RFTN1: variants seen among roughly 807,000 people sequenced by gnomAD.
RFTN1 encodes raftlin.
Under a neutral mutation model 46.5 loss-of-function variants are expected in RFTN1, and 26 were observed. That is an observed-to-expected ratio of 0.56 (90% CI 0.41 to 0.78). The LOEUF (loss-of-function observed/expected upper bound fraction) is 0.78, where lower values mean the gene tolerates loss of function less well. Ranked by LOEUF, RFTN1 falls within the 30% of genes least tolerant of loss-of-function variation. RFTN1 has a pLI of 0.00. For synonymous variants in RFTN1, 261 were observed against 284.2 expected (o/e 0.92, Z 0.82); for missense variants, 693 against 718.7 (o/e 0.96, Z 0.41).
chr3:16,419,106 G>C (rs2075138573), intron 3 of RFTN1, among the ~76,000 whole-genome samples: 1 of 152,202 alleles, frequency 6.6e-6, no homozygotes, highest in Non-Finnish European at 1.5e-5. Context: ...AAAAGCATGA[G>C]TTATATGATG....
Position 16,383,586 on chromosome 3 carries a change from G to T in RFTN1, c.442-5484C>A, listed in dbSNP as rs1368249900. Among the ~76,000 whole-genome samples, 1 of 152,176 alleles carries T rather than the reference G, an allele frequency of 6.6e-6. No individual in the cohort carries two copies. Among genetic ancestry groups the T allele is most frequent in the Non-Finnish European group, 1.5e-5 (1 of 68,036 alleles). On this transcript the variant is annotated intron_variant, in intron 4 of 9. Transcript: ENST00000334133. This position sits in a 1 kb window ranked among gnomAD's most constrained non-coding sequence, Gnocchi z 4.0. ...AATATGACATTAGATTTCTAGGATGGATTGTCTGTTTCTATGTCCAAAATG... is the reference window on the plus strand; with the variant it reads ...AATATGACATTAGATTTCTAGGATGTATTGTCTGTTTCTATGTCCAAAATG...
intron 6 of RFTN1, among the ~76,000 whole-genome samples, chr3:16,367,915 C>T (rs796955545): frequency 7.2e-6 from 1 of 138,706 alleles, no homozygotes; most frequent in Non-Finnish European, 1.5e-5. Context: ...TTCTGATGCC[C>T]TAGTTTTCCT....
At chr3:16,411,563 C>G (rs1366117227) in intron 3 of RFTN1, among the ~76,000 whole-genome samples, 1 of 152,182 alleles carries the variant, frequency 6.6e-6, no homozygotes, top group African/African-American at 2.4e-5. Context: ...ATTCTGAACC[C>G]TAACCTTTTT....
At chr3:16,496,725 G>T (rs932589428) in intron 1 of RFTN1, among the ~76,000 whole-genome samples, 2 of 151,960 alleles carry the variant, frequency 1.3e-5, no homozygotes, top group Admixed American at 6.6e-5. Context: ...TCCTCTCCTG[G>T]GTATATACCA....
intron 3 of RFTN1, among the ~76,000 whole-genome samples, chr3:16,419,166 G>C (rs2075139725): frequency 6.6e-6 from 1 of 152,180 alleles, no homozygotes; most frequent in African/African-American, 2.4e-5. Context: ...GGTGCGGGTT[G>C]CCTGTAACTC....
In RFTN1 at chr3:16,329,887, CG is replaced by C. The variant is rs2070132372; in HGVS notation, c.1147-3012del. ...AGTCCTTTTATTGGTGGCTGCATCTCGGGCCAGGTTTTCTCTGCGGGCACCC... is the reference window on the plus strand; with the variant it reads ...AGTCCTTTTATTGGTGGCTGCATCTCGGCCAGGTTTTCTCTGCGGGCACCC... On this transcript the variant is annotated intron_variant, in intron 7 of 9. Transcript: ENST00000334133. The surrounding 1 kb of genome is among the most constrained non-coding windows in gnomAD (Gnocchi z 4.5). Among the ~76,000 whole-genome samples, 1 of 152,110 alleles carries C rather than the reference CG, an allele frequency of 6.6e-6. No individual in the cohort carries two copies. Among genetic ancestry groups the C allele is most frequent in the Non-Finnish European group, 1.5e-5 (1 of 68,022 alleles).
In RFTN1 at chr3:16,475,601, G is replaced by A. The variant is rs1055559009; in HGVS notation, c.145+18124C>T. On this transcript the variant is annotated intron_variant, in intron 2 of 9. Coordinates refer to ENST00000334133, the MANE Select transcript of RFTN1 (RefSeq NM_015150.2). The surrounding 1 kb of genome is among the most constrained non-coding windows in gnomAD (Gnocchi z 4.2). ...AACAGGGGCAGAGAAGAGTATGCCT[G>A]GCACCTGGAGAGTCTCTAGAGTGCC... 2.6e-5 allele frequency among the ~76,000 whole-genome samples: 4 copies of A among 152,180 alleles called. No individual in the cohort carries two copies. The highest frequency in any genetic ancestry group is 5.9e-5 in the Non-Finnish European group (4 of 68,024).
Position 16,458,841 on chromosome 3 carries a change from G to T in RFTN1, c.146-24804C>A, listed in dbSNP as rs775240230. 6.6e-6 allele frequency among the ~76,000 whole-genome samples: 1 copy of T among 152,168 alleles called. No homozygotes were observed. The highest frequency in any genetic ancestry group is 1.5e-5 in the Non-Finnish European group (1 of 68,028). On this transcript the variant is annotated intron_variant, in intron 2 of 9. Transcript: ENST00000334133. The surrounding 1 kb of genome is among the most constrained non-coding windows in gnomAD (Gnocchi z 5.1). The stretch of plus-strand genomic sequence containing the variant: ...AATCTGTCCATCTGTTTTTCTAGCA[G>T]ATTAGAAGTACAAAAATCAGGGGAG...
At chr3:16,497,597 C>T (rs775988931) in intron 1 of RFTN1, among the ~76,000 whole-genome samples, 10 of 152,232 alleles carry the variant, frequency 6.6e-5, no homozygotes, top group Non-Finnish European at 1.5e-4. Flanking sequence ...CTGCTGCATA[C>T]TCAGGCAGAC....
rs540358826 is a variant in RFTN1, at chr3:16,323,171, G to A, written c.1332+205C>T. ...ATCCTTCTGGCCGGCCCAGCAGGAC[G>A]ATGGCAGACAAGGCCCTCCAGTCCC... is the stretch of plus-strand genomic sequence containing the variant. On this transcript the variant is annotated intron_variant, in intron 9 of 9. Transcript: ENST00000334133. Among the ~76,000 whole-genome samples the A allele has an allele frequency of 3.9e-5, 6 of 152,228 alleles. No individual in the cohort carries two copies. In the South Asian group the frequency reaches 6.2e-4, roughly 16 times the overall value.
In RFTN1 at chr3:16,387,570, TTCTCTCTC is replaced by T. The variant is rs3054539; in HGVS notation, c.442-9476_442-9469del. Among the ~76,000 whole-genome samples the T allele has an allele frequency of 0.2, 22,750 of 116,398 alleles. 2,336 individuals are homozygous for T. The highest frequency in any genetic ancestry group is 0.46 in the East Asian group (1,953 of 4,274). 76.4% of individuals were successfully genotyped at this position (116,398 alleles called of 152,430 possible). A position where few individuals can be genotyped will look rare whatever the true frequency, so the allele number is the denominator to read the frequency against. ...CACTTCTCTCTTCTATATCCTCAAT[TTCTCTCTC>T]TCTCTCTCTCTCTCTCTCTCTCTCT... On this transcript the variant is annotated intron_variant, in intron 4 of 9. Coordinates refer to ENST00000334133, the MANE Select transcript of RFTN1 (RefSeq NM_015150.2). The surrounding 1 kb of genome is among the most constrained non-coding windows in gnomAD (Gnocchi z 5.2).
rs1243177322 is a variant in RFTN1, at chr3:16,446,142, C to T, written c.146-12105G>A. 6.6e-6 allele frequency among the ~76,000 whole-genome samples: 1 copy of T among 152,088 alleles called. No individual in the cohort carries two copies. Among genetic ancestry groups the T allele is most frequent in the Non-Finnish European group, 1.5e-5 (1 of 68,024 alleles). On this transcript the variant is annotated intron_variant, in intron 2 of 9. Transcript: ENST00000334133. This position sits in a 1 kb window ranked among gnomAD's most constrained non-coding sequence, Gnocchi z 4.5. ...AAGAAAGTCCAATGCAAACTGCTACCTGCAGTCACTCTGGTGGATGGTGAA... is the reference window on the plus strand; with the variant it reads ...AAGAAAGTCCAATGCAAACTGCTACTTGCAGTCACTCTGGTGGATGGTGAA...
At chr3:16,368,454 G>A (rs182014801) in intron 6 of RFTN1, among the ~76,000 whole-genome samples, 147 of 152,298 alleles carry the variant, frequency 9.7e-4, no homozygotes, top group Middle Eastern at 6.8e-3. Flanking sequence ...GGTGGATCAC[G>A]AGGTCAGGGA....
rs2124969726 is a variant in RFTN1 at position 16,481,396 on chromosome 3, C to A, written c.145+12329G>T. On this transcript the variant is annotated intron_variant, in intron 2 of 9. Coordinates refer to ENST00000334133, the MANE Select transcript of RFTN1 (RefSeq NM_015150.2). This position sits in a 1 kb window ranked among gnomAD's most constrained non-coding sequence, Gnocchi z 5.1. The stretch of plus-strand genomic sequence containing the variant: ...GACATGTTTTATGGGAACCGATTTC[C>A]TTATTACTCTTTGCATCTTCTGTTT... Among the ~76,000 whole-genome samples, 1 of 152,198 alleles carries A rather than the reference C, an allele frequency of 6.6e-6. No individual in the cohort carries two copies. The highest frequency in any genetic ancestry group is 1.9e-4 in the East Asian group (1 of 5,176).
At chr3:16,354,392 T>A (rs1037950323) in intron 7 of RFTN1, among the ~76,000 whole-genome samples, 2 of 152,226 alleles carry the variant, frequency 1.3e-5, no homozygotes, top group African/African-American at 2.4e-5. Context: ...TTTCAGGAGA[T>A]GTCAATCTCA....
intron 6 of RFTN1, among the ~76,000 whole-genome samples, chr3:16,359,885 G>A (rs1041526249): frequency 1.3e-5 from 2 of 151,770 alleles, no homozygotes; most frequent in African/African-American, 4.8e-5. Flanking sequence ...GGAGTTCCTG[G>A]AACTGCCAGT....
chr3:16,468,955 T>C lies in RFTN1; in HGVS notation c.145+24770A>G, dbSNP rs1262757838. On this transcript the variant is annotated intron_variant, in intron 2 of 9. Coordinates refer to ENST00000334133, the MANE Select transcript of RFTN1 (RefSeq NM_015150.2). The surrounding 1 kb of genome is among the most constrained non-coding windows in gnomAD (Gnocchi z 4.4). ...CCAAAAGGCCAATCCATTCCCCCCA[T>C]CACTCAGCCTGCCTGAATCGCATCT... Among the ~76,000 whole-genome samples the C allele has an allele frequency of 2.0e-5, 3 of 152,196 alleles. 1 individual carries two copies. Among genetic ancestry groups the C allele is most frequent in the South Asian group, 4.1e-4 (2 of 4,826 alleles).
In RFTN1 at chr3:16,376,195, C is replaced by T. The variant is rs2073762931; in HGVS notation, c.826+1523G>A. Among the ~76,000 whole-genome samples, 1 of 152,190 alleles carries T rather than the reference C, an allele frequency of 6.6e-6. No homozygotes were observed. The highest frequency in any genetic ancestry group is 2.4e-5 in the African/African-American group (1 of 41,442). On this transcript the variant is annotated intron_variant, in intron 5 of 9. Coordinates refer to ENST00000334133, the MANE Select transcript of RFTN1 (RefSeq NM_015150.2). This position sits in a 1 kb window ranked among gnomAD's most constrained non-coding sequence, Gnocchi z 4.7. ...TACTGAGCCTGTACCCCAATAATAG[C>T]AGCTCATACTCATGAGTCAAACAGT...
chr3:16,364,814 CT>C (rs1324519207), intron 6 of RFTN1, among the ~76,000 whole-genome samples: 5 of 152,176 alleles, frequency 3.3e-5, no homozygotes, highest in Non-Finnish European at 7.3e-5. Flanking sequence ...TATATAAAGT[CT>C]GTACAGTTCA....
Sources: gnomAD v4.1 joint callset for allele counts (sites outside exome capture counted in the v4.1 genomes callset) on GRCh38, gnomAD v4.1.1 for gene constraint, Gnocchi (gnomAD v3.1) non-coding constraint, MANE v1.5 for transcripts, NCBI Gene and HGNC (gene_info 2026-07-23, HGNC 2026-07-21) for gene names.